Variants in GHRHR observed in about 807,000 individuals in gnomAD.
GHRHR encodes the protein growth hormone releasing hormone receptor.
In GHRHR, 40 loss-of-function variants were observed where a neutral mutation model predicts 58.3. The observed-to-expected ratio is 0.69, with a 90% CI of 0.53 to 0.89. The LOEUF is 0.89. Ranked by LOEUF, GHRHR falls within the 40% of genes least tolerant of loss-of-function variation. The pLI, the probability that GHRHR is intolerant of heterozygous loss-of-function variation, is 0.00. For synonymous variants in GHRHR, 249 were observed against 216.6 expected (o/e 1.15, Z -1.31); for missense variants, 551 against 541.3 (o/e 1.02, Z -0.18).
chr7:30,967,561 C>G (rs995141925), intron 1 of GHRHR, among the ~76,000 whole-genome samples: 1 of 151,966 alleles, frequency 6.6e-6, no homozygotes, highest in Admixed American at 6.6e-5. Flanking sequence ...AGCTCTCTCA[C>G]TCATCCACCA....
intron 6 of GHRHR, 111 bp from the exon 7 acceptor site, chr7:30,973,874 C>T: frequency 9.0e-7 from 1 of 1,105,594 alleles, no homozygotes; most frequent in South Asian, 1.3e-5. Context: ...CTGCAGGTCC[C>T]AGCCTAACAT....
chr7:30,972,136 G>A lies in GHRHR; in HGVS notation c.597+41G>A, dbSNP rs759276948. 5.6e-6 allele frequency: 9 copies of A among 1,609,418 alleles called. No homozygotes were observed. The East Asian group carries it at 6.7e-5, about 12-fold the overall frequency. ...GAAGGGGCTGGGCAGGTGGGGGAGA[G>A]AGGAGGTAGGATTACAGACCCAGAT... On this transcript the variant is annotated intron_variant, in intron 6 of 12. Coordinates refer to ENST00000326139, the MANE Select transcript of GHRHR (RefSeq NM_000823.4).
At chr7:30,971,238 C>G (rs182348901) in intron 5 of GHRHR, 22 bp downstream of exon 5, 14 of 1,024,358 alleles carry the variant, frequency 1.4e-5, no homozygotes, top group Middle Eastern at 4.0e-4. Context: ...TCATCACCAG[C>G]TCAAGAACCT....
At position 30,975,786 on chromosome 7, in the gene GHRHR, G is replaced by A. The variant is rs781485380; in HGVS notation, c.892G>A (p.Gly298Arg). The change falls in exon 10 of 13, where the codon GGG (glycine) becomes AGG (arginine). Residue 298 changes from glycine (G) to arginine (R), a missense_variant. By Grantham distance (125) the Gly-to-Arg change is moderately radical (BLOSUM62 -2). Coordinates refer to ENST00000326139, the MANE Select transcript of GHRHR (RefSeq NM_000823.4). Reference protein sequence around the residue: ...PIVLSVGVNFGLFLNIIRILV... With the variant: ...PIVLSVGVNFRLFLNIIRILV... ...ATGCCTCTATTTCCAGGTGAACTTT[G>A]GGCTTTTTCTCAATATTATCCGCAT... is the stretch of plus-strand genomic sequence containing the variant. 1 of 1,606,638 alleles carries A rather than the reference G, an allele frequency of 6.2e-7. No homozygotes were observed. The highest frequency in any genetic ancestry group is 1.7e-5 in the Admixed American group (1 of 60,008).
intron 3 of GHRHR, chr7:30,969,425 T>A (rs1379543436): frequency 5.0e-6 from 3 of 596,596 alleles, no homozygotes; most frequent in Non-Finnish European, 9.0e-6. Context: ...GCCCTCCAGG[T>A]GTTAGCAGAA....
intron 7 of GHRHR, 44 bp downstream of exon 7, chr7:30,974,182 C>T (rs924163971): frequency 6.3e-7 from 1 of 1,595,038 alleles, no homozygotes; most frequent in African/African-American, 1.3e-5. Flanking sequence ...AGGTAAAGGG[C>T]TGGAAAGGCC....
rs372803803 is a variant in GHRHR, at chr7:30,964,055, C to T, written c.-14C>T. 47 of 1,550,414 alleles carry T rather than the reference C, an allele frequency of 3.0e-5. No individual in the cohort carries two copies. In the African/African-American group the frequency reaches 5.9e-4, roughly 19 times the overall value. On this transcript the variant is annotated 5_prime_UTR_variant, in exon 1 of 13. Transcript: ENST00000326139. ...TTACTGAGGCTGGTGGAGGGAGCCA[C>T]TGCTGGGCTCACCATGGACCGCCGG...
At chr7:30,967,035 G>A (rs896430355) in intron 1 of GHRHR, among the ~76,000 whole-genome samples, 6 of 148,648 alleles carry the variant, frequency 4.0e-5, no homozygotes, top group Non-Finnish European at 7.5e-5. Flanking sequence ...AAGCCTGGGG[G>A]AACAGACATC....
rs1279572291 is a variant in GHRHR, at chr7:30,979,157, C to T, written c.1185C>T (p.Asp395=). 6.2e-7 allele frequency: 1 copy of T among 1,613,594 alleles called. No homozygotes were observed. The highest frequency in any genetic ancestry group is 2.2e-5 in the East Asian group (1 of 44,884). Residue 395 remains aspartate, a synonymous_variant, in exon 13 of 13, where the codon GAC becomes GAT. Transcript: ENST00000326139. ...TCTCACGGAAGTGGCATGGCCATGA[C>T]CCTGAGCTTCTGCCAGCCTGGAGGA... ...TEISRKWHGH[D]PELLPAWRTR... is the part of the protein sequence containing the mutation.
At chr7:30,978,571 C>T (rs913853315) in intron 12 of GHRHR, among the ~76,000 whole-genome samples, 2 of 152,190 alleles carry the variant, frequency 1.3e-5, no homozygotes, top group Admixed American at 1.3e-4. Flanking sequence ...ACCCTATGCC[C>T]CTGAAAGCCC....
chr7:30,976,422 C>T lies in GHRHR; in HGVS notation c.975-7C>T, dbSNP rs2128598737. The T allele has an allele frequency of 1.9e-6, 3 of 1,612,954 alleles. No individual in the cohort carries two copies. The highest frequency in any genetic ancestry group is 1.1e-5 in the South Asian group (1 of 90,984). ...TCTTGGGAGCCTAGGATTTGTCTTT[C>T]CTGCAGGCGTCTCTCCAAGTCGACA... On this transcript the variant is annotated splice_region_variant and splice_polypyrimidine_tract_variant and intron_variant, in intron 10 of 12. Coordinates refer to ENST00000326139, the MANE Select transcript of GHRHR (RefSeq NM_000823.4).
intron 11 of GHRHR, 120 bp from the exon 12 acceptor site, chr7:30,977,161 A>T (rs933547710): frequency 1.1e-6 from 1 of 925,934 alleles, no homozygotes; most frequent in African/African-American, 1.6e-5. Context: ...TCCCCTTTCA[A>T]TCAAACCTGG....
rs932835165 is a variant in GHRHR at position 30,973,851 on chromosome 7, G to A, written c.598-134G>A. On this transcript the variant is annotated intron_variant, in intron 6 of 12. Coordinates refer to ENST00000326139, the MANE Select transcript of GHRHR (RefSeq NM_000823.4). ...TGTATATCACCACATCCCCTCTTGG[G>A]TGGCCCAAGGAGCTGCAGGTCCCAG... is the stretch of plus-strand genomic sequence containing the variant. 17 of 812,332 alleles carry A rather than the reference G, an allele frequency of 2.1e-5. No homozygotes were observed. The Admixed American group carries it at 3.3e-4, about 16-fold the overall frequency. The allele number at this position is 812,332 out of a possible 1,614,324, so 50.3% of individuals were successfully genotyped here. A position where few individuals can be genotyped will look rare whatever the true frequency, so the allele number is the denominator to read the frequency against.
At chr7:30,974,916 C>T (rs4988502) in intron 8 of GHRHR, 55 bp from the exon 9 acceptor site, 38 of 1,128,536 alleles carry the variant, frequency 3.4e-5, no homozygotes, top group South Asian at 1.7e-4. Flanking sequence ...GAGGTGCCTG[C>T]GTCACCACAG....
intron 5 of GHRHR, among the ~76,000 whole-genome samples, chr7:30,971,460 C>T (rs1792478601): frequency 6.6e-6 from 1 of 152,162 alleles, no homozygotes; most frequent in Non-Finnish European, 1.5e-5. Flanking sequence ...CCTCATTGTT[C>T]TCAGTGTATT....
At chr7:30,976,609 G>A in intron 11 of GHRHR, 51 bp downstream of exon 11, 10 of 1,572,528 alleles carry the variant, frequency 6.4e-6, no homozygotes, top group Non-Finnish European at 8.7e-6. Flanking sequence ...GCTGGAGGGA[G>A]GTGCTGTTGC....
In GHRHR at chr7:30,972,885, T is replaced by C. The variant is rs1174110583; in HGVS notation, c.597+790T>C. On this transcript the variant is annotated intron_variant, in intron 6 of 12. Transcript: ENST00000326139. ...AATCATACTTCATACTGAGCACTTA[T>C]TTTGTGCCAGGCATTGCACTAAGTG... 2.6e-5 allele frequency among the ~76,000 whole-genome samples: 4 copies of C among 152,248 alleles called. No homozygotes were observed. In the South Asian group the frequency reaches 6.2e-4, roughly 24 times the overall value.
Position 30,968,855 on chromosome 7 carries a change from G to A in GHRHR, c.79G>A (p.Glu27Lys). The change falls in exon 2 of 13, where the codon GAA (glutamate) becomes AAA (lysine). Residue 27 changes from glutamate (E) to lysine (K), a missense_variant. Transcript: ENST00000326139. ...GCAGGTATTGGGCCACATGCACCCA[G>A]AATGTGACTTCATCACCCAGCTGAG... ...LPTVLGHMHP[E>K]CDFITQLRED... The A allele has an allele frequency of 6.2e-7, 1 of 1,613,816 alleles. No individual in the cohort carries two copies. Among genetic ancestry groups the A allele is most frequent in the Non-Finnish European group, 8.5e-7 (1 of 1,179,804 alleles).
intron 10 of GHRHR, 114 bp downstream of exon 10, chr7:30,975,982 A>G (rs1427776868): frequency 2.7e-6 from 2 of 731,278 alleles, no homozygotes; most frequent in Admixed American, 4.0e-5. Context: ...TTTCTTCCCT[A>G]TGTTCCCAGA....
Sources: gnomAD v4.1 joint callset for allele counts (sites outside exome capture counted in the v4.1 genomes callset) on GRCh38, gnomAD v4.1.1 for gene constraint, MANE v1.5 for transcripts, NCBI Gene and HGNC (gene_info 2026-07-23, HGNC 2026-07-21) for gene names.